The following CORO7 variants were observed in gnomAD, a reference collection of about 807,000 sequenced individuals.
The protein encoded by CORO7 is coronin 7, also known as coronin-7.
Under a neutral mutation model 126.6 loss-of-function variants are expected in CORO7, and 107 were observed. The ratio of observed to expected loss-of-function variants is 0.85; its 90% CI spans 0.72 to 0.99. CORO7 has a LOEUF of 0.99. Among genes scored for constraint, CORO7 ranks in the 50% least tolerant of loss-of-function variants. CORO7 has a pLI of 0.00. For synonymous variants in CORO7, 603 were observed against 536.8 expected (o/e 1.12, Z -1.70); for missense variants, 1,314 against 1,255.8 (o/e 1.05, Z -0.70).
intron 1 of CORO7, among the ~76,000 whole-genome samples, chr16:4,413,828 G>A (rs561021934): frequency 2.7e-5 from 4 of 150,772 alleles, no homozygotes; most frequent in Admixed American, 6.6e-5. Flanking sequence ...ATGAGCCTCC[G>A]CCCCCAGCCG....
chr16:4,365,406 T>C, intron 10 of CORO7, 85 bp downstream of exon 10: 1 of 1,531,008 alleles, frequency 6.5e-7, no homozygotes, highest in Non-Finnish European at 8.8e-7. Flanking sequence ...AGAGGCCCTG[T>C]TCGAGTTCCT....
chr16:4,412,366 G>GC lies in CORO7; in HGVS notation c.221dup (p.Cys75LeufsTer15). On this transcript the variant is annotated frameshift_variant, in exon 3 of 28. Coordinates refer to ENST00000251166, the MANE Select transcript of CORO7 (RefSeq NM_024535.5). LOFTEE classifies it high-confidence loss of function. ...CAGACACCCACTCACCTGAATGGCA[G>GC]CCCAGGTGGGCCACGCGTCGCTTGT... is the stretch of plus-strand genomic sequence containing the variant. The GC allele has an allele frequency of 6.2e-7, 1 of 1,614,188 alleles. No individual in the cohort carries two copies. Among genetic ancestry groups the GC allele is most frequent in the East Asian group, 2.2e-5 (1 of 44,876 alleles).
intron 3 of CORO7, among the ~76,000 whole-genome samples, chr16:4,408,549 C>T (rs1479276240): frequency 6.6e-6 from 1 of 152,232 alleles, no homozygotes; most frequent in African/African-American, 2.4e-5. Flanking sequence ...CCCAGCCCGA[C>T]CCCTCCTAGG....
chr16:4,388,194 G>C, intron 8 of CORO7, 126 bp from the exon 9 acceptor site: 3 of 1,245,468 alleles, frequency 2.4e-6, no homozygotes, highest in African/African-American at 1.5e-5. Flanking sequence ...GCAGGGCTTG[G>C]AGTGGGGGTG....
intron 9 of CORO7, among the ~76,000 whole-genome samples, chr16:4,385,789 G>A (rs763523745): frequency 6.6e-5 from 10 of 152,250 alleles, no homozygotes; most frequent in Non-Finnish European, 5.9e-5. Context: ...GCCCCTGGGT[G>A]AGGATGAGGA....
chr16:4,384,493 T>G (rs1160176555), intron 9 of CORO7, among the ~76,000 whole-genome samples: 2 of 152,146 alleles, frequency 1.3e-5, no homozygotes, highest in Non-Finnish European at 2.9e-5. Flanking sequence ...GTGAGCCTCC[T>G]GCAGACCCCA....
intron 9 of CORO7, among the ~76,000 whole-genome samples, chr16:4,380,423 GC>G (rs1369384410): frequency 3.3e-5 from 5 of 152,230 alleles, no homozygotes; most frequent in African/African-American, 1.2e-4. Flanking sequence ...GCAGGAGCCG[GC>G]GGCCAAGGCA....
At chr16:4,395,922 A>C (rs1418824475) in intron 6 of CORO7, among the ~76,000 whole-genome samples, 3 of 152,186 alleles carry the variant, frequency 2.0e-5, no homozygotes, top group Non-Finnish European at 4.4e-5. Flanking sequence ...GCAGAAAAAA[A>C]TGTACTGAAA....
chr16:4,357,992 G>C lies in CORO7; in HGVS notation c.2569C>G (p.Leu857Val), dbSNP rs756446929. Residue 857 changes from leucine to valine, a missense_variant, in exon 25 of 28, where the codon CTG (leucine) becomes GTG (valine). Leu to Val is a conservative substitution (Grantham distance 32, BLOSUM62 1). Transcript: ENST00000251166. ...CCTGGGCTCATGTCAGGAGGCTGCA[G>C]GCTGAGAAGCCAGGGCTGCCCATTA... ...GANGQPWLLSLQPPDMSPVSQ... is the reference protein window; with the variant it reads ...GANGQPWLLSVQPPDMSPVSQ... 6.2e-6 allele frequency: 10 copies of C among 1,609,374 alleles called. No homozygotes were observed. In the East Asian group the frequency reaches 2.2e-4, roughly 36 times the overall value.
intron 9 of CORO7, among the ~76,000 whole-genome samples, chr16:4,378,651 C>T (rs1403066186): frequency 2.0e-5 from 3 of 152,008 alleles, no homozygotes; most frequent in African/African-American, 7.2e-5. Context: ...GGGCCAGGGA[C>T]GCGTGCCTGG....
At chr16:4,392,780 C>T (rs2055440024) in intron 7 of CORO7, among the ~76,000 whole-genome samples, 1 of 152,230 alleles carries the variant, frequency 6.6e-6, no homozygotes, top group Non-Finnish European at 1.5e-5. Flanking sequence ...GGGCCAGATG[C>T]CCTGGGCGGA....
chr16:4,372,980 C>G (rs934854203), intron 9 of CORO7, among the ~76,000 whole-genome samples: 3 of 152,128 alleles, frequency 2.0e-5, no homozygotes, highest in Non-Finnish European at 4.4e-5. Context: ...GATAAAATCT[C>G]CAAGGTCCCT....
chr16:4,394,501 T>A (rs1464528730), intron 7 of CORO7, among the ~76,000 whole-genome samples: 1 of 148,162 alleles, frequency 6.7e-6, no homozygotes, highest in Non-Finnish European at 1.5e-5. Flanking sequence ...CAGGTAACCA[T>A]GGGCCCGTAT....
intron 23 of CORO7, chr16:4,359,016 A>G: frequency 8.0e-6 from 4 of 497,062 alleles, no homozygotes; most frequent in South Asian, 2.7e-5. Flanking sequence ...GGCTCAAGCA[A>G]TTCTCCTGCC....
intron 21 of CORO7, among the ~76,000 whole-genome samples, 200 bp from the exon 22 acceptor site, chr16:4,359,821 C>T (rs2054101146): frequency 6.6e-6 from 1 of 151,908 alleles, no homozygotes; most frequent in Admixed American, 6.6e-5. Flanking sequence ...ATCACTCACC[C>T]ATCCATCTAC....
At chr16:4,373,419 A>AGATGGG (rs2054603770) in intron 9 of CORO7, among the ~76,000 whole-genome samples, 1 of 152,090 alleles carries the variant, frequency 6.6e-6, no homozygotes, top group Non-Finnish European at 1.5e-5. Flanking sequence ...CCGGAGGGTC[A>AGATGGG]GATGGGGATG....
intron 9 of CORO7, chr16:4,381,420 C>T (rs754644872): frequency 4.4e-6 from 7 of 1,583,016 alleles, no homozygotes; most frequent in African/African-American, 1.4e-5. Context: ...ACAACAGCCT[C>T]CTGGCCCTGG....
At chr16:4,403,539 G>A (rs896278546) in intron 6 of CORO7, among the ~76,000 whole-genome samples, 2 of 152,160 alleles carry the variant, frequency 1.3e-5, no homozygotes, top group East Asian at 1.9e-4. Context: ...TCTCGTCCCT[G>A]CAACTTTAAG....
At chr16:4,386,981 G>A (rs2055214652) in intron 9 of CORO7, among the ~76,000 whole-genome samples, 1 of 152,202 alleles carries the variant, frequency 6.6e-6, no homozygotes, top group African/African-American at 2.4e-5. Context: ...TGTTGCCTGT[G>A]ACTCAGTTTC....
Sources: allele counts gnomAD v4.1 joint callset (sites outside exome capture counted in the v4.1 genomes callset), GRCh38; gene constraint gnomAD v4.1.1; transcripts MANE v1.5; gene names NCBI Gene and HGNC (gene_info 2026-07-23, HGNC 2026-07-21).